FLNB: variants seen among roughly 807,000 people sequenced by gnomAD.
The protein encoded by FLNB is filamin-B.
FLNB carries 111 observed loss-of-function variants against 250.6 expected under a neutral mutation model. The ratio of observed to expected loss-of-function variants is 0.44; its 90% confidence interval spans 0.38 to 0.52. The LOEUF (loss-of-function observed/expected upper bound fraction) is 0.52. Among genes scored for constraint, FLNB ranks in the 20% least tolerant of loss-of-function variants. The pLI, the probability that FLNB is intolerant of heterozygous loss-of-function variation, is 0.00. For missense variants in FLNB, 2,869 were observed against 3,447.8 expected, an observed-to-expected ratio of 0.83 and a Z score of 4.20; for synonymous variants, 1,302 against 1,372.1, an observed-to-expected ratio of 0.95 and a Z score of 1.13.
chr3:58,081,601 G>T, intron 3 of FLNB, 28 bp from the exon 4 acceptor site: 1 of 1,611,862 alleles, frequency 6.2e-7, no homozygotes, highest in Non-Finnish European at 8.5e-7. Context: ...TGTGTTCTGG[G>T]TGTTCATCCA....
chr3:58,018,382 T>A (rs551929641), intron 1 of FLNB, among the ~76,000 whole-genome samples: 3 of 140,250 alleles, frequency 2.1e-5, no homozygotes, highest in South Asian at 4.6e-4. Flanking sequence ...GTCACCAGGC[T>A]GGAGTGTAGT....
chr3:58,037,190 A>G (rs1298810955), intron 1 of FLNB, among the ~76,000 whole-genome samples: 2 of 149,850 alleles, frequency 1.3e-5, no homozygotes, highest in Non-Finnish European at 3.0e-5. Context: ...TCAGCCTCTC[A>G]GGTAGCTGGG....
At chr3:58,162,342 G>A (rs181816789) in intron 42 of FLNB, among the ~76,000 whole-genome samples, 2 of 152,280 alleles carry the variant, frequency 1.3e-5, no homozygotes, top group Admixed American at 1.3e-4. Flanking sequence ...GTCAGGTGGT[G>A]CACAATGGGT....
intron 1 of FLNB, among the ~76,000 whole-genome samples, chr3:58,049,021 T>G (rs956615989): frequency 5.3e-5 from 8 of 152,238 alleles, no homozygotes; most frequent in Non-Finnish European, 8.8e-5. Context: ...TTCCCACCAC[T>G]GTGTTTCACT....
intron 18 of FLNB, among the ~76,000 whole-genome samples, chr3:58,115,698 G>T (rs2097276697): frequency 6.6e-6 from 1 of 152,194 alleles, no homozygotes; most frequent in African/African-American, 2.4e-5. Context: ...GTGTCCGGAT[G>T]CTCCCAGGAT....
chr3:58,112,349 C>G, intron 18 of FLNB, 31 bp downstream of exon 18: 1 of 1,606,940 alleles, frequency 6.2e-7, no homozygotes, highest in Non-Finnish European at 8.5e-7. Flanking sequence ...GCTCCCCTGG[C>G]CCCCAGCCAG....
rs533382927 is a variant in FLNB at position 58,121,397 on chromosome 3, T to A, written c.3020T>A (p.Ile1007Asn). The stretch of plus-strand genomic sequence containing the variant: ...CGGGAGAACAGCACGGCCAAGTTCA[T>A]CCCTCGGGAGGAGGGGCTGTATGCT... Reference protein sequence around the residue: ...TGRENSTAKFIPREEGLYAVD... With the variant: ...TGRENSTAKFNPREEGLYAVD... Residue 1007 changes from isoleucine to asparagine, a missense_variant, in exon 20 of 46, where the codon ATC becomes AAC. Ile to Asn is a moderately radical substitution (Grantham distance 149). This residue lies in a region of FLNB where 1,348 missense variants were observed against 1,466.7 expected (regional missense o/e 0.92). Coordinates refer to ENST00000295956, the MANE Select transcript of FLNB (RefSeq NM_001457.4). 6 of 1,613,928 alleles carry A rather than the reference T, an allele frequency of 3.7e-6. No individual in the cohort carries two copies. Among genetic ancestry groups the A allele is most frequent in the Non-Finnish European group, 4.2e-6 (5 of 1,179,998 alleles).
At chr3:58,049,868 C>T (rs920726683) in intron 1 of FLNB, among the ~76,000 whole-genome samples, 9 of 152,132 alleles carry the variant, frequency 5.9e-5, no homozygotes, top group Non-Finnish European at 1.0e-4. Context: ...TGTGAGAAAA[C>T]GTGTAATCTG....
intron 1 of FLNB, among the ~76,000 whole-genome samples, chr3:58,015,252 A>G (rs1343529560): frequency 2.0e-5 from 3 of 152,188 alleles, no homozygotes; most frequent in Non-Finnish European, 4.4e-5. Flanking sequence ...TGGGAGCATT[A>G]TATTTGATGA....
chr3:58,149,073 G>T (rs1209098982), intron 36 of FLNB, among the ~76,000 whole-genome samples: 1 of 152,086 alleles, frequency 6.6e-6, no homozygotes, highest in Admixed American at 6.6e-5. Flanking sequence ...AAGGTTTAGA[G>T]CCCCCTCTGC....
chr3:58,031,326 TC>T (rs1383415194), intron 1 of FLNB, among the ~76,000 whole-genome samples: 1 of 152,060 alleles, frequency 6.6e-6, no homozygotes, highest in Non-Finnish European at 1.5e-5. Flanking sequence ...CACTGCAAGC[TC>T]CGCCTCCCGG....
At chr3:58,100,373 A>AAATATATAT in intron 8 of FLNB, among the ~76,000 whole-genome samples, 2 of 104,386 alleles carry the variant, frequency 1.9e-5, no homozygotes, top group African/African-American at 9.1e-5. Flanking sequence ...GTAAAAAAAA[A>AAATATATAT]ATATATATAT....
intron 8 of FLNB, 132 bp from the exon 9 acceptor site, chr3:58,102,071 G>C: frequency 1.1e-6 from 1 of 947,032 alleles, no homozygotes; most frequent in Non-Finnish European, 1.6e-6. Context: ...GGGACCCCTG[G>C]TCTTGGGCAA....
Position 58,159,542 on chromosome 3 carries a change from T to A in FLNB, c.6889-12T>A. 6.2e-7 allele frequency: 1 copy of A among 1,614,134 alleles called. No individual in the cohort carries two copies. The highest frequency in any genetic ancestry group is 8.5e-7 in the Non-Finnish European group (1 of 1,180,006). ...CGAGGGCCATAACCTGTCTGATGTA[T>A]TAAATTCTCAGGAATCGGGATTAAA... On this transcript the variant is annotated splice_polypyrimidine_tract_variant and intron_variant, in intron 41 of 45. Coordinates refer to ENST00000295956, the MANE Select transcript of FLNB (RefSeq NM_001457.4).
At chr3:58,082,883 A>G (rs2097211228) in intron 4 of FLNB, among the ~76,000 whole-genome samples, 1 of 152,184 alleles carries the variant, frequency 6.6e-6, no homozygotes, top group Non-Finnish European at 1.5e-5. Flanking sequence ...TTCTAGCTTA[A>G]TAGTTTTCTC....
intron 1 of FLNB, among the ~76,000 whole-genome samples, chr3:58,075,337 G>A (rs2097200201): frequency 6.6e-6 from 1 of 152,162 alleles, no homozygotes; most frequent in Non-Finnish European, 1.5e-5. Flanking sequence ...AGTGCCACCA[G>A]CTGTAGAATC....
At chr3:58,161,938 C>T (rs779161049) in intron 42 of FLNB, among the ~76,000 whole-genome samples, 12 of 152,176 alleles carry the variant, frequency 7.9e-5, no homozygotes, top group Non-Finnish European at 1.6e-4. Context: ...CTGACCTGGA[C>T]ACATGCCCAC....
chr3:58,029,578 C>T (rs528786651), intron 1 of FLNB, among the ~76,000 whole-genome samples: 1 of 151,580 alleles, frequency 6.6e-6, no homozygotes, highest in Admixed American at 6.6e-5. Context: ...GATCTCGGCT[C>T]ACTGCAGTCT....
chr3:58,116,758 C>G (rs1002260043), intron 18 of FLNB, among the ~76,000 whole-genome samples: 2 of 152,190 alleles, frequency 1.3e-5, no homozygotes, highest in Non-Finnish European at 2.9e-5. Flanking sequence ...TGGGTGGCTT[C>G]AAGCAGCTTA....
Sources: gnomAD v4.1 joint callset for allele counts (sites outside exome capture counted in the v4.1 genomes callset) on GRCh38, gnomAD v4.1.1 for gene constraint, gnomAD v4.1.1 regional missense constraint, MANE v1.5 for transcripts, NCBI Gene and HGNC (gene_info 2026-07-23, HGNC 2026-07-21) for gene names.